G3BP2: variants seen among roughly 807,000 people sequenced by gnomAD.
The protein encoded by G3BP2 is G3BP stress granule assembly factor 2.
In G3BP2, 11 loss-of-function variants were observed where a neutral mutation model predicts 56.7. The ratio of observed to expected loss-of-function variants is 0.19; its 90% CI spans 0.12 to 0.32. The LOEUF is 0.32. G3BP2 is among the 10% of genes least tolerant of loss of function. The pLI, the probability that G3BP2 is intolerant of heterozygous loss-of-function variation, is 1.00. For missense variants in G3BP2, 340 were observed against 610.9 expected (o/e 0.56, Z 4.67); for synonymous variants, 165 against 191.6 (o/e 0.86, Z 1.15).
chr4:75,717,831 C>A (rs999835003), intron 3 of G3BP2, among the ~76,000 whole-genome samples: 1 of 151,912 alleles, frequency 6.6e-6, no homozygotes, highest in Admixed American at 6.6e-5. Flanking sequence ...ACTTGTCCCT[C>A]GATAAACAGT....
At chr4:75,673,532 G>A, upstream of G3BP2, 1 of 1,232,068 alleles carries the variant, frequency 8.1e-7, no homozygotes, top group Non-Finnish European at 1.0e-6. Context: ...CAACCTTCCC[G>A]TGTCCCTCTG....
At position 75,658,782 on chromosome 4, in the gene G3BP2, A is replaced by G. The variant is rs2148989337; in HGVS notation, c.177+61T>C. On this transcript the variant is annotated intron_variant, in intron 3 of 11. Transcript: ENST00000359707. ...AAAAAGCCATGGACACAAGAAGGCT[A>G]TTTTTTAAAATCTCCATCTTAACAC... 8.8e-6 allele frequency: 9 copies of G among 1,025,932 alleles called. No individual in the cohort carries two copies. The South Asian group carries it at 1.0e-4, about 12-fold the overall frequency. The allele number at this position is 1,025,932 out of a possible 1,614,324, so 63.6% of individuals were successfully genotyped here.
At chr4:75,720,346 CA>C (rs896757088) in intron 3 of G3BP2, among the ~76,000 whole-genome samples, 1 of 151,018 alleles carries the variant, frequency 6.6e-6, no homozygotes, top group African/African-American at 2.4e-5. Flanking sequence ...ACCAAAAATA[CA>C]AAAAATTAGC....
chr4:75,709,221 G>T (rs886907050), intron 3 of G3BP2, among the ~76,000 whole-genome samples: 7 of 151,912 alleles, frequency 4.6e-5, no homozygotes, highest in African/African-American at 1.7e-4. Flanking sequence ...GGAGTTAGAG[G>T]CCAGCCCGGC....
chr4:75,654,934 C>T (rs1731974907), intron 7 of G3BP2, 132 bp downstream of exon 7: 3 of 649,434 alleles, frequency 4.6e-6, no homozygotes, highest in South Asian at 4.3e-5. Context: ...AACAAACAAA[C>T]CCCACAGCTT....
intron 3 of G3BP2, among the ~76,000 whole-genome samples, chr4:75,705,206 A>G (rs1719500300): frequency 6.6e-6 from 1 of 152,208 alleles, no homozygotes; most frequent in Non-Finnish European, 1.5e-5. Flanking sequence ...GCTCAGGTCC[A>G]TTAAACTGCC....
At chr4:75,655,388 A>G (rs1732015895) in intron 6 of G3BP2, 142 bp from the exon 7 acceptor site, 1 of 649,002 alleles carries the variant, frequency 1.5e-6, no homozygotes. Context: ...AAATTCCAAA[A>G]AGAGCTATAA....
At chr4:75,688,192 G>C (rs1158316227) in intron 3 of G3BP2, among the ~76,000 whole-genome samples, 1 of 151,704 alleles carries the variant, frequency 6.6e-6, no homozygotes, top group Non-Finnish European at 1.5e-5. Flanking sequence ...ATAGAGAACA[G>C]AGAGTTTATT....
At position 75,709,451 on chromosome 4, in the gene G3BP2, G is replaced by A. The variant is rs865900582; in HGVS notation, c.-25+11426C>T. 4.7e-5 allele frequency among the ~76,000 whole-genome samples: 6 copies of A among 126,664 alleles called. No homozygotes were observed. In the South Asian group the frequency reaches 1.1e-3, roughly 23 times the overall value. The allele number at this position is 126,664 out of a possible 152,430, so 83.1% of individuals were successfully genotyped here. A position where few individuals can be genotyped will look rare whatever the true frequency, so the allele number is the denominator to read the frequency against. On this transcript the variant is annotated intron_variant, in intron 3 of 3. Coordinates refer to the G3BP2 transcript ENST00000499709. ...AAAAAAAAAAAAAAAAACCTACTAC[G>A]AAAAAAACCGACCAGCCAGGTGTAG...
intron 3 of G3BP2, among the ~76,000 whole-genome samples, chr4:75,714,438 C>T (rs1290568997): frequency 1.3e-5 from 2 of 152,138 alleles, no homozygotes; most frequent in Middle Eastern, 3.2e-3. Context: ...ACCAGCCTGG[C>T]CAACATGGCG....
intron 3 of G3BP2, among the ~76,000 whole-genome samples, chr4:75,709,248 T>A (rs1363532006): frequency 6.6e-6 from 1 of 151,788 alleles, no homozygotes; most frequent in Non-Finnish European, 1.5e-5. Context: ...GGTGAAACCC[T>A]ATCTCTACTA....
chr4:75,723,320 G>A (rs948796261), intron 1 of G3BP2, among the ~76,000 whole-genome samples: 6 of 152,204 alleles, frequency 3.9e-5, no homozygotes, highest in African/African-American at 1.4e-4. Context: ...GGAATGACAT[G>A]AACAGATGTT....
At chr4:75,683,835 C>G (rs561540417) in intron 3 of G3BP2, among the ~76,000 whole-genome samples, 1 of 151,930 alleles carries the variant, frequency 6.6e-6, no homozygotes, top group Non-Finnish European at 1.5e-5. Flanking sequence ...ATAGCCATGC[C>G]GTAAAATACC....
At chr4:75,651,156 AT>A (rs1168973636) in intron 8 of G3BP2, among the ~76,000 whole-genome samples, 2 of 152,252 alleles carry the variant, frequency 1.3e-5, no homozygotes, top group African/African-American at 4.8e-5. Context: ...ATACTTCAGT[AT>A]GAATATAAAC....
rs538708610 is a variant in G3BP2, at chr4:75,670,924, G to C, written c.-25+2284C>G. On this transcript the variant is annotated intron_variant, in intron 1 of 11. Transcript: ENST00000359707. ...AATTGTTAGCTTATGTGAAACTGTT[G>C]AGAAGAGTGAAAAGCAAAGGAATAC... Among the ~76,000 whole-genome samples the C allele has an allele frequency of 7.1e-4, 108 of 152,298 alleles. 3 individuals carry two copies. The South Asian group carries it at 0.022, about 31-fold the overall frequency.
intron 2 of G3BP2, among the ~76,000 whole-genome samples, chr4:75,721,005 C>T (rs1318467784): frequency 6.7e-6 from 1 of 148,154 alleles, no homozygotes; most frequent in Admixed American, 6.7e-5. Flanking sequence ...ATTAGCCAGG[C>T]ATGATGGTGT....
chr4:75,670,195 G>C (rs1016626273), intron 1 of G3BP2, among the ~76,000 whole-genome samples: 3 of 152,072 alleles, frequency 2.0e-5, no homozygotes, highest in African/African-American at 7.2e-5. Flanking sequence ...TTCCCCTCTG[G>C]AGTCCCTCAC....
At chr4:75,649,141 CAT>C (rs1466655446) in intron 8 of G3BP2, 1 of 158,464 alleles carries the variant, frequency 6.3e-6, no homozygotes, top group Non-Finnish European at 1.4e-5. Context: ...ATACATAACA[CAT>C]AATTTCTGAA....
intron 3 of G3BP2, among the ~76,000 whole-genome samples, chr4:75,683,279 A>C (rs750796307): frequency 3.3e-5 from 5 of 152,006 alleles, no homozygotes; most frequent in Non-Finnish European, 5.9e-5. Context: ...ATAAAGATGT[A>C]GGCCGAGCAC....
Sources: gnomAD v4.1 joint callset for allele counts (sites outside exome capture counted in the v4.1 genomes callset) on GRCh38, gnomAD v4.1.1 for gene constraint, MANE v1.5 for transcripts, NCBI Gene and HGNC (gene_info 2026-07-23, HGNC 2026-07-21) for gene names.